The following KSR2 variants were observed in gnomAD, a reference collection of about 807,000 sequenced individuals.
KSR2 encodes kinase suppressor of ras 2.
KSR2 carries 25 observed loss-of-function variants against 107.8 expected under a neutral mutation model. That is an observed-to-expected ratio of 0.23 (90% confidence interval 0.17 to 0.32). The LOEUF (loss-of-function observed/expected upper bound fraction) is 0.32, where lower values mean the gene tolerates loss of function less well. Ranked by LOEUF, KSR2 falls within the 10% of genes least tolerant of loss-of-function variation. KSR2 has a pLI of 1.00. For synonymous variants in KSR2, 480 were observed against 507.0 expected (o/e 0.95, Z 0.71); for missense variants, 887 against 1,268.9 (o/e 0.70, Z 4.57).
chr12:117,549,107 A>G (rs1405687073), intron 9 of KSR2, among the ~76,000 whole-genome samples: 1 of 152,250 alleles, frequency 6.6e-6, no homozygotes, highest in Non-Finnish European at 1.5e-5. Flanking sequence ...CAACATTAGT[A>G]GAAAGGCATC....
intron 5 of KSR2, among the ~76,000 whole-genome samples, chr12:117,608,582 T>C (rs1009367606): frequency 2.6e-5 from 4 of 152,120 alleles, no homozygotes; most frequent in African/African-American, 9.7e-5. Flanking sequence ...GCCCACCCTA[T>C]GTATAGGTGC....
At chr12:117,787,832 C>T (rs182003204) in intron 3 of KSR2, among the ~76,000 whole-genome samples, 1 of 152,340 alleles carries the variant, frequency 6.6e-6, no homozygotes, top group East Asian at 1.9e-4. Context: ...GAACTGCCAT[C>T]TGTCTCAGAT....
chr12:117,560,754 C>A (rs1278710167), intron 7 of KSR2, among the ~76,000 whole-genome samples: 1 of 152,148 alleles, frequency 6.6e-6, no homozygotes, highest in Non-Finnish European at 1.5e-5. Flanking sequence ...TGGCTTGGTG[C>A]CTTCCTTACG....
intron 5 of KSR2, among the ~76,000 whole-genome samples, chr12:117,630,895 C>G (rs1165325360): frequency 6.6e-6 from 1 of 152,152 alleles, no homozygotes; most frequent in Non-Finnish European, 1.5e-5. Context: ...GACAATGGTA[C>G]TGTTTCCTGT....
chr12:117,696,813 A>T (rs1054582679), intron 4 of KSR2, among the ~76,000 whole-genome samples: 5 of 152,168 alleles, frequency 3.3e-5, no homozygotes, highest in Non-Finnish European at 5.9e-5. Context: ...GTTTCTAGGA[A>T]GTCACCTTGG....
intron 14 of KSR2, among the ~76,000 whole-genome samples, chr12:117,492,893 TA>T (rs1269264843): frequency 6.6e-6 from 1 of 152,106 alleles, no homozygotes. Flanking sequence ...AGGCAGCCTC[TA>T]AAAAGCTGGA....
intron 1 of KSR2, among the ~76,000 whole-genome samples, chr12:117,914,083 A>C (rs1036661014): frequency 6.6e-6 from 1 of 152,180 alleles, no homozygotes; most frequent in Non-Finnish European, 1.5e-5. Context: ...TTCCCGTCTG[A>C]AAACTGGGAA....
At chr12:117,928,166 C>T (rs1388581336) in intron 1 of KSR2, among the ~76,000 whole-genome samples, 1 of 143,632 alleles carries the variant, frequency 7.0e-6, no homozygotes, top group African/African-American at 2.6e-5. Context: ...TGTGTCAGCA[C>T]TTCATTCCTT....
At chr12:117,727,715 T>TC (rs1887490236) in intron 4 of KSR2, among the ~76,000 whole-genome samples, 1 of 152,134 alleles carries the variant, frequency 6.6e-6, no homozygotes, top group African/African-American at 2.4e-5. Flanking sequence ...ACACCTTGAC[T>TC]CGGGACTTCT....
intron 1 of KSR2, among the ~76,000 whole-genome samples, chr12:117,872,823 C>T (rs551679679): frequency 5.6e-4 from 85 of 152,290 alleles, no homozygotes; most frequent in African/African-American, 1.8e-3. Context: ...TCAGCACCCT[C>T]AACAATCAGT....
At chr12:117,854,271 T>C (rs1178036252) in intron 3 of KSR2, among the ~76,000 whole-genome samples, 2 of 152,170 alleles carry the variant, frequency 1.3e-5, no homozygotes, top group Admixed American at 1.3e-4. Context: ...CCTCCCAAAG[T>C]GCTGGGATTA....
intron 4 of KSR2, among the ~76,000 whole-genome samples, chr12:117,746,780 A>G (rs896154159): frequency 6.6e-6 from 1 of 151,340 alleles, no homozygotes; most frequent in Non-Finnish European, 1.5e-5. Flanking sequence ...ATATGAACAG[A>G]CACTTCTGAA....
chr12:117,498,300 C>T (rs1050996381), intron 14 of KSR2, among the ~76,000 whole-genome samples: 1 of 152,116 alleles, frequency 6.6e-6, no homozygotes, highest in Non-Finnish European at 1.5e-5. Flanking sequence ...CTAGGCCTTT[C>T]CTTCCACCCC....
At chr12:117,741,609 G>A (rs1397745617) in intron 4 of KSR2, among the ~76,000 whole-genome samples, 1 of 152,194 alleles carries the variant, frequency 6.6e-6, no homozygotes, top group Admixed American at 6.5e-5. Context: ...GGGGATTACA[G>A]TGAGCTATGA....
chr12:117,794,498 G>A (rs1235867168), intron 3 of KSR2, among the ~76,000 whole-genome samples: 1 of 90,668 alleles, frequency 1.1e-5, no homozygotes, highest in African/African-American at 4.6e-5. Context: ...ACACCAACAT[G>A]CACACACAAC....
rs746459951 is a variant in KSR2 at position 117,466,357 on chromosome 12, G to A, written c.*842C>T. The A allele has an allele frequency of 6.6e-6, 1 of 152,098 alleles. No homozygotes were observed. The highest frequency in any genetic ancestry group is 1.9e-4 in the East Asian group (1 of 5,168). 9.4% of individuals were successfully genotyped at this position (152,098 alleles called of 1,614,324 possible). A position where few individuals can be genotyped will look rare whatever the true frequency, so the allele number is the denominator to read the frequency against. On this transcript the variant is annotated 3_prime_UTR_variant, in exon 20 of 20. Coordinates refer to ENST00000339824, the MANE Select transcript of KSR2 (RefSeq NM_173598.6). ...GACTTCAGGGGGTGCCCTGAATGAC[G>A]GTGAGCTCTAAGGAGCCCCTCAGAA...
At chr12:117,829,073 T>C (rs1363294622) in intron 3 of KSR2, among the ~76,000 whole-genome samples, 1 of 152,180 alleles carries the variant, frequency 6.6e-6, no homozygotes, top group African/African-American at 2.4e-5. Context: ...AGTTGCTCCT[T>C]GAAGCTAATC....
intron 4 of KSR2, among the ~76,000 whole-genome samples, chr12:117,682,394 T>C (rs143130110): frequency 2.3e-3 from 348 of 152,204 alleles, no homozygotes; most frequent in African/African-American, 7.9e-3. Context: ...CAAACCTGCA[T>C]GTCCTGCACA....
chr12:117,759,331 G>A (rs1019992211), intron 4 of KSR2, among the ~76,000 whole-genome samples: 1 of 152,152 alleles, frequency 6.6e-6, no homozygotes, highest in Non-Finnish European at 1.5e-5. Flanking sequence ...TATTGTCTGT[G>A]CTGGTTTTGT....
Sources: gnomAD v4.1 joint callset for allele counts (sites outside exome capture counted in the v4.1 genomes callset) on GRCh38, gnomAD v4.1.1 for gene constraint, MANE v1.5 for transcripts, NCBI Gene and HGNC (gene_info 2026-07-23, HGNC 2026-07-21) for gene names.